CAPZB: variants seen among roughly 807,000 people sequenced by gnomAD.
CAPZB encodes capping actin protein of muscle Z-line subunit beta, also known as F-actin-capping protein subunit beta.
CAPZB carries 2 observed loss-of-function variants against 38.1 expected under a neutral mutation model. The ratio of observed to expected loss-of-function variants is 0.05; its 90% CI spans 0.02 to 0.17. The LOEUF (loss-of-function observed/expected upper bound fraction) is 0.17. Ranked by LOEUF, CAPZB falls within the 10% of genes least tolerant of loss-of-function variation. CAPZB has a pLI of 1.00. For missense variants in CAPZB, 161 were observed against 334.2 expected (o/e 0.48, Z 4.04); for synonymous variants, 107 against 127.4 (o/e 0.84, Z 1.08).
At chr1:19,481,485 C>A (rs546647490) in intron 1 of CAPZB, among the ~76,000 whole-genome samples, 6 of 152,294 alleles carry the variant, frequency 3.9e-5, no homozygotes, top group Non-Finnish European at 8.8e-5. Flanking sequence ...CTGTTCACAC[C>A]GGTCACTCAA....
chr1:19,349,083 G>C (rs1174719569), intron 6 of CAPZB, among the ~76,000 whole-genome samples: 5 of 152,150 alleles, frequency 3.3e-5, no homozygotes, highest in African/African-American at 4.8e-5. Context: ...CGGCAGCACT[G>C]GAGCGTCTGC....
chr1:19,381,610 C>T (rs575235150), intron 3 of CAPZB, among the ~76,000 whole-genome samples: 3 of 151,942 alleles, frequency 2.0e-5, no homozygotes, highest in Admixed American at 6.6e-5. Context: ...TGCTCTGTCG[C>T]CCAGGCTGGA....
At chr1:19,414,567 C>G (rs1036636992) in intron 2 of CAPZB, among the ~76,000 whole-genome samples, 7 of 152,180 alleles carry the variant, frequency 4.6e-5, no homozygotes, top group African/African-American at 1.7e-4. Flanking sequence ...TGTTTGCAAG[C>G]AGAGACTTTC....
chr1:19,453,509 C>A (rs2094523392), intron 1 of CAPZB, among the ~76,000 whole-genome samples: 1 of 152,152 alleles, frequency 6.6e-6, no homozygotes, highest in Non-Finnish European at 1.5e-5. Flanking sequence ...GATCTACCTG[C>A]CTCGGCCTCC....
At position 19,357,471 on chromosome 1, in the gene CAPZB, G is replaced by A. The variant is rs1310957804; in HGVS notation, c.422C>T (p.Ser141Leu). The A allele has an allele frequency of 6.2e-7, 1 of 1,613,908 alleles. No homozygotes were observed. The highest frequency in any genetic ancestry group is 8.5e-7 in the Non-Finnish European group (1 of 1,179,990). Reference sequence around the variant, plus strand: ...ATCCCAGCAGCCTTTGATCTTCTTTGATCCATCTCCAGCCTTCTTTATGAG... The same window carrying A: ...ATCCCAGCAGCCTTTGATCTTCTTTAATCCATCTCCAGCCTTCTTTATGAG... ...VILIKKAGDG[S>L]KKIKGCWDSI... Residue 141 changes from serine (S) to leucine (L), a missense_variant, in exon 5 of 9, where the codon TCA becomes TTA. Coordinates refer to ENST00000264202, the MANE Select transcript of CAPZB (RefSeq NM_004930.5). The surrounding 1 kb of genome is among the most constrained non-coding windows in gnomAD (Gnocchi z 4.3).
chr1:19,469,741 T>TACACATACACAC (rs1553294635), intron 1 of CAPZB, among the ~76,000 whole-genome samples: 1 of 136,620 alleles, frequency 7.3e-6, no homozygotes. Flanking sequence ...AGGAAAAGAA[T>TACACATACACAC]ACACACACAC....
chr1:19,340,810 G>A (rs1276143325), intron 8 of CAPZB, among the ~76,000 whole-genome samples: 1 of 152,184 alleles, frequency 6.6e-6, no homozygotes, highest in Non-Finnish European at 1.5e-5. Context: ...CAACATATTG[G>A]TTAGGCAAAG....
chr1:19,455,154 C>A (rs2094529005), intron 1 of CAPZB, among the ~76,000 whole-genome samples: 1 of 152,180 alleles, frequency 6.6e-6, no homozygotes, highest in South Asian at 2.1e-4. Flanking sequence ...ACAATTCATG[C>A]CTCCCGTCCC....
At chr1:19,400,806 T>C (rs1169022358) in intron 2 of CAPZB, among the ~76,000 whole-genome samples, 4 of 152,200 alleles carry the variant, frequency 2.6e-5, no homozygotes, top group Non-Finnish European at 5.9e-5. Flanking sequence ...AACGGGCCTA[T>C]ATGCACTTCA....
At chr1:19,346,913 T>A (rs927783746) in intron 6 of CAPZB, among the ~76,000 whole-genome samples, 8 of 146,538 alleles carry the variant, frequency 5.5e-5, no homozygotes, top group Non-Finnish European at 1.2e-4. Flanking sequence ...AACCTCTGCC[T>A]CCTGGGTTCA....
In CAPZB at chr1:19,366,174, T is replaced by C. The variant is rs576332409; in HGVS notation, c.330-8611A>G. On this transcript the variant is annotated intron_variant, in intron 4 of 8. Transcript: ENST00000264202. ...CAAATAAGTGGTCTTAGGTCAGGCA[T>C]GGTGGCTCACGCCTATAATCCCAGC... 3.1e-3 allele frequency among the ~76,000 whole-genome samples: 467 copies of C among 151,772 alleles called. 2 individuals are homozygous for C. The highest frequency in any genetic ancestry group is 0.01 in the African/African-American group (423 of 41,216).
At chr1:19,343,396 T>C (rs1217435143) in intron 8 of CAPZB, among the ~76,000 whole-genome samples, 1 of 152,178 alleles carries the variant, frequency 6.6e-6, no homozygotes, top group East Asian at 1.9e-4. Flanking sequence ...TCCTCTGGGC[T>C]GGGCTGTGAG....
In CAPZB at chr1:19,342,646, G is replaced by C. The variant is rs1028059164; in HGVS notation, c.731+1712C>G. On this transcript the variant is annotated intron_variant, in intron 8 of 8. Coordinates refer to ENST00000264202, the MANE Select transcript of CAPZB (RefSeq NM_004930.5). ...CGACCGGGAGCACACGTGGGGGTTAGTGGTGGTTTAAATGGCCGCGGAGCA... is the reference window on the plus strand; with the variant it reads ...CGACCGGGAGCACACGTGGGGGTTACTGGTGGTTTAAATGGCCGCGGAGCA... 9.2e-5 allele frequency: 66 copies of C among 716,144 alleles called. 1 individual carries two copies. The Admixed American group carries it at 1.1e-3, about 12-fold the overall frequency. 44.4% of individuals were successfully genotyped at this position (716,144 alleles called of 1,614,324 possible). A position where few individuals can be genotyped will look rare whatever the true frequency, so the allele number is the denominator to read the frequency against.
intron 8 of CAPZB, among the ~76,000 whole-genome samples, chr1:19,343,232 C>T (rs988456689): frequency 1.3e-5 from 2 of 152,204 alleles, no homozygotes; most frequent in Admixed American, 6.5e-5. Flanking sequence ...TCACAGGTCA[C>T]GAAGACCAAG....
At chr1:19,483,143 T>A (rs2094636338) in intron 1 of CAPZB, among the ~76,000 whole-genome samples, 1 of 152,222 alleles carries the variant, frequency 6.6e-6, no homozygotes, top group Non-Finnish European at 1.5e-5. Context: ...TGTATCACCA[T>A]ACAGCTATTT....
intron 2 of CAPZB, among the ~76,000 whole-genome samples, chr1:19,399,536 G>A (rs2094291679): frequency 6.6e-6 from 1 of 152,158 alleles, no homozygotes; most frequent in African/African-American, 2.4e-5. Flanking sequence ...CACTGGCCTG[G>A]AAGTCAGAGC....
chr1:19,443,890 C>G (rs2094487333), intron 1 of CAPZB, among the ~76,000 whole-genome samples: 1 of 152,194 alleles, frequency 6.6e-6, no homozygotes, highest in Non-Finnish European at 1.5e-5. Flanking sequence ...AGTGCACACA[C>G]ACAAAAGTCT....
rs185287021 is a variant in CAPZB at position 19,377,319 on chromosome 1, A to G, written c.329+1221T>C. Among the ~76,000 whole-genome samples the G allele has an allele frequency of 1.4e-3, 215 of 152,330 alleles. 2 individuals carry two copies. Among genetic ancestry groups the G allele is most frequent in the Non-Finnish European group, 1.7e-3 (113 of 68,030 alleles). On this transcript the variant is annotated intron_variant, in intron 4 of 8. Transcript: ENST00000264202. Reference sequence around the variant, plus strand: ...CTGTGAAAATCAACAATTTGTGGGAATTTCAGATAAATATGGGTTCAAATT... The same window carrying G: ...CTGTGAAAATCAACAATTTGTGGGAGTTTCAGATAAATATGGGTTCAAATT...
chr1:19,441,095 A>T (rs1160103141), intron 1 of CAPZB, among the ~76,000 whole-genome samples: 9 of 152,238 alleles, frequency 5.9e-5, no homozygotes, highest in Non-Finnish European at 1.2e-4. Flanking sequence ...CAAAACAGTT[A>T]TAGCTGCTAA....
Sources: allele counts gnomAD v4.1 joint callset (sites outside exome capture counted in the v4.1 genomes callset), GRCh38; gene constraint gnomAD v4.1.1; non-coding constraint Gnocchi (gnomAD v3.1); transcripts MANE v1.5; gene names NCBI Gene and HGNC (gene_info 2026-07-23, HGNC 2026-07-21).